ATP9B: variants seen among roughly 807,000 people sequenced by gnomAD.
ATP9B encodes the protein ATPase phospholipid transporting 9B, also known as probable phospholipid-transporting ATPase IIB.
A neutral mutation model predicts 146.1 loss-of-function variants in ATP9B; 110 were observed. That is an observed-to-expected ratio of 0.75 (90% CI 0.65 to 0.88). The LOEUF (loss-of-function observed/expected upper bound fraction) is 0.88. Among genes scored for constraint, ATP9B ranks in the 40% least tolerant of loss-of-function variants. The pLI, the probability that ATP9B is intolerant of heterozygous loss-of-function variation, is 0.00. For missense variants in ATP9B, 1,499 were observed against 1,496.4 expected (o/e 1.00, Z -0.03); for synonymous variants, 604 against 569.7 (o/e 1.06, Z -0.86).
chr18:79,343,013 CA>C (rs1220593900), intron 20 of ATP9B, among the ~76,000 whole-genome samples: 1 of 152,114 alleles, frequency 6.6e-6, no homozygotes, highest in African/African-American at 2.4e-5. Flanking sequence ...TTAATTCAAA[CA>C]AAAAATAAGA....
chr18:79,210,388 C>G (rs1466727232), intron 10 of ATP9B, among the ~76,000 whole-genome samples: 2 of 152,092 alleles, frequency 1.3e-5, no homozygotes. Context: ...CCTTGTCACT[C>G]AGTGGGCCAG....
At position 79,347,773 on chromosome 18, in the gene ATP9B, G is replaced by GGTAA; in HGVS notation, c.2687_2690dup (p.Gln898Ter). On this transcript the variant is annotated frameshift_variant, in exon 24 of 30. Coordinates refer to ENST00000426216, the MANE Select transcript of ATP9B (RefSeq NM_198531.5). LOFTEE classifies it high-confidence loss of function. Reference sequence around the variant, plus strand: ...GCCCCGTGTGCTTTTCTCTCAGGAGGGTAAACAGGCCTCGCTGGCGGCCGA... The same window carrying GGTAA: ...GCCCCGTGTGCTTTTCTCTCAGGAGGGTAAGTAAACAGGCCTCGCTGGCGGCCGA... 6.4e-7 allele frequency: 1 copy of GGTAA among 1,558,842 alleles called. No homozygotes were observed. The highest frequency in any genetic ancestry group is 8.7e-7 in the Non-Finnish European group (1 of 1,153,448).
chr18:79,197,589 T>G (rs1044196643), intron 9 of ATP9B, among the ~76,000 whole-genome samples: 4 of 152,014 alleles, frequency 2.6e-5, no homozygotes, highest in African/African-American at 9.7e-5. Flanking sequence ...CAGAGTAAAC[T>G]GTGATAAGTA....
At chr18:79,154,831 T>C (rs992391993) in intron 7 of ATP9B, among the ~76,000 whole-genome samples, 2 of 152,250 alleles carry the variant, frequency 1.3e-5, no homozygotes, top group African/African-American at 4.8e-5. Flanking sequence ...ATTTTCACTT[T>C]AAAAGGTAAA....
At chr18:79,071,294 A>G (rs562706966) in intron 1 of ATP9B, among the ~76,000 whole-genome samples, 6 of 151,296 alleles carry the variant, frequency 4.0e-5, no homozygotes, top group African/African-American at 1.5e-4. Flanking sequence ...ATGGTGTTAC[A>G]GTTTTTGTGT....
At chr18:79,289,755 G>A (rs2096482800) in intron 13 of ATP9B, among the ~76,000 whole-genome samples, 1 of 152,074 alleles carries the variant, frequency 6.6e-6, no homozygotes, top group Non-Finnish European at 1.5e-5. Flanking sequence ...GTCTACTTTT[G>A]GTCTTTGATG....
chr18:79,214,047 G>C lies in ATP9B; in HGVS notation c.1107+9G>C. 6.3e-7 allele frequency: 1 copy of C among 1,577,862 alleles called. No individual in the cohort carries two copies. Among genetic ancestry groups the C allele is most frequent in the Non-Finnish European group, 8.6e-7 (1 of 1,164,326 alleles). ...CCAATCCAAAAAATAAGGTAGGCTA[G>C]ATTGAGGAGCAACTGCTTTAATGAA... On this transcript the variant is annotated intron_variant, in intron 11 of 29. Coordinates refer to ENST00000426216, the MANE Select transcript of ATP9B (RefSeq NM_198531.5).
intron 11 of ATP9B, among the ~76,000 whole-genome samples, chr18:79,216,932 G>C (rs1003260397): frequency 4.6e-5 from 7 of 152,202 alleles, no homozygotes; most frequent in Non-Finnish European, 1.0e-4. Flanking sequence ...CCTCCCAATA[G>C]GGATTCACGA....
At chr18:79,129,671 T>C (rs1281210870) in intron 5 of ATP9B, among the ~76,000 whole-genome samples, 1 of 151,592 alleles carries the variant, frequency 6.6e-6, no homozygotes, top group African/African-American at 2.4e-5. Flanking sequence ...CATGTAACAA[T>C]AAAATCAACC....
intron 29 of ATP9B, chr18:79,376,388 C>CTTTTT (rs773403288): frequency 2.4e-6 from 2 of 844,906 alleles, no homozygotes; most frequent in African/African-American, 2.0e-5. Context: ...CATCTGCAAC[C>CTTTTT]ATTTTTTTTT....
intron 11 of ATP9B, among the ~76,000 whole-genome samples, chr18:79,247,913 T>C (rs943590847): frequency 5.9e-5 from 9 of 152,238 alleles, no homozygotes; most frequent in Non-Finnish European, 8.8e-5. Flanking sequence ...GAAATAATTC[T>C]TTCAGAATAG....
chr18:79,231,295 A>G (rs1312947998), intron 11 of ATP9B, among the ~76,000 whole-genome samples: 1 of 152,162 alleles, frequency 6.6e-6, no homozygotes, highest in Non-Finnish European at 1.5e-5. Flanking sequence ...CAAGTCATCA[A>G]GAAAAAAAAA....
intron 13 of ATP9B, among the ~76,000 whole-genome samples, chr18:79,296,481 C>T (rs2096548597): frequency 6.6e-6 from 1 of 152,164 alleles, no homozygotes. Flanking sequence ...CACTTTGCAA[C>T]GTCAATAACG....
At chr18:79,130,980 G>A (rs1166758870) in intron 5 of ATP9B, among the ~76,000 whole-genome samples, 1 of 152,164 alleles carries the variant, frequency 6.6e-6, no homozygotes, top group Non-Finnish European at 1.5e-5. Context: ...GGCCAATGTG[G>A]TGAAACCCTG....
chr18:79,080,965 A>G (rs940650678), intron 1 of ATP9B, among the ~76,000 whole-genome samples: 10 of 152,218 alleles, frequency 6.6e-5, no homozygotes, highest in African/African-American at 2.4e-4. Flanking sequence ...CCCAGGGATG[A>G]AGCTGACTTG....
chr18:79,278,074 A>G (rs1414128957), intron 13 of ATP9B, among the ~76,000 whole-genome samples: 1 of 152,230 alleles, frequency 6.6e-6, no homozygotes, highest in African/African-American at 2.4e-5. Context: ...GGAAGAAACA[A>G]ATATTTGCAG....
At chr18:79,198,911 A>T (rs946488643) in intron 9 of ATP9B, among the ~76,000 whole-genome samples, 3 of 152,148 alleles carry the variant, frequency 2.0e-5, no homozygotes, top group Admixed American at 2.0e-4. Flanking sequence ...AACCTATTTA[A>T]AAATGTTTTT....
In ATP9B at chr18:79,096,795, A is replaced by G. The variant is rs1173995585; in HGVS notation, c.293+146A>G. ...CATGGAGATTATCAGTACATTAATC[A>G]AAGCCAAACAATGCTAATATGAAAG... On this transcript the variant is annotated intron_variant, in intron 2 of 29. Coordinates refer to ENST00000426216, the MANE Select transcript of ATP9B (RefSeq NM_198531.5). 4.3e-6 allele frequency: 3 copies of G among 696,700 alleles called. No individual in the cohort carries two copies. In the South Asian group the frequency reaches 8.7e-5, roughly 20 times the overall value. 43.2% of individuals were successfully genotyped at this position (696,700 alleles called of 1,614,324 possible).
At chr18:79,202,168 G>T (rs2095495221) in intron 9 of ATP9B, among the ~76,000 whole-genome samples, 1 of 152,228 alleles carries the variant, frequency 6.6e-6, no homozygotes, top group Non-Finnish European at 1.5e-5. Context: ...GTGGCGCTGT[G>T]ATGGTGTCTG....
Sources: gnomAD v4.1 joint callset for allele counts (sites outside exome capture counted in the v4.1 genomes callset) on GRCh38, gnomAD v4.1.1 for gene constraint, MANE v1.5 for transcripts, NCBI Gene and HGNC (gene_info 2026-07-23, HGNC 2026-07-21) for gene names.